Variants in SMYD3 observed in about 807,000 individuals in gnomAD.
SMYD3 encodes histone-lysine N-methyltransferase SMYD3.
SMYD3 carries 36 observed loss-of-function variants against 57.7 expected under a neutral mutation model. The ratio of observed to expected loss-of-function variants is 0.62; its 90% CI spans 0.48 to 0.82. The LOEUF is 0.82. Ranked by LOEUF, SMYD3 falls within the 40% of genes least tolerant of loss-of-function variation. The pLI, the probability that SMYD3 is intolerant of heterozygous loss-of-function variation, is 0.00. For missense variants in SMYD3, 515 were observed against 538.8 expected, an observed-to-expected ratio of 0.96 and a Z score of 0.44; for synonymous variants, 211 against 195.0, an observed-to-expected ratio of 1.08 and a Z score of -0.68.
intron 5 of SMYD3, among the ~76,000 whole-genome samples, chr1:246,122,060 C>T (rs1348131603): frequency 7.6e-6 from 1 of 131,930 alleles, no homozygotes; most frequent in Non-Finnish European, 1.5e-5. Context: ...GAAGAAAAGA[C>T]TAATTAAAAA....
chr1:246,214,945 G>C (rs999140717), intron 5 of SMYD3, among the ~76,000 whole-genome samples: 2 of 152,042 alleles, frequency 1.3e-5, no homozygotes, highest in African/African-American at 4.8e-5. Context: ...CTTTCTAGTA[G>C]GTAAAATTCA....
At chr1:246,217,329 T>A (rs1388758791) in intron 5 of SMYD3, among the ~76,000 whole-genome samples, 5 of 151,910 alleles carry the variant, frequency 3.3e-5, no homozygotes, top group African/African-American at 1.2e-4. Flanking sequence ...CAAGCCAGGG[T>A]AACGTAGGGA....
intron 1 of SMYD3, among the ~76,000 whole-genome samples, chr1:246,362,224 T>C (rs1248461676): frequency 3.9e-5 from 6 of 152,190 alleles, no homozygotes; most frequent in Admixed American, 1.3e-4. Flanking sequence ...CCTTCAAATA[T>C]ACAAATTTTG....
intron 8 of SMYD3, among the ~76,000 whole-genome samples, chr1:245,898,639 G>C (rs1381162238): frequency 6.6e-6 from 1 of 152,210 alleles, no homozygotes; most frequent in African/African-American, 2.4e-5. Flanking sequence ...TGAATAATCA[G>C]GGGCTATTTC....
intron 5 of SMYD3, among the ~76,000 whole-genome samples, chr1:246,063,329 C>CTT (rs1244997299): frequency 1.3e-5 from 2 of 152,134 alleles, no homozygotes; most frequent in African/African-American, 4.8e-5. Context: ...TACCCAGGGT[C>CTT]TTTATTGGAG....
At chr1:246,215,037 T>C (rs984298908) in intron 5 of SMYD3, among the ~76,000 whole-genome samples, 5 of 152,168 alleles carry the variant, frequency 3.3e-5, no homozygotes, top group African/African-American at 1.2e-4. Flanking sequence ...TTTTTGTTCA[T>C]TCCAGTTGAA....
intron 8 of SMYD3, among the ~76,000 whole-genome samples, chr1:245,915,203 C>G (rs926470667): frequency 6.6e-6 from 1 of 152,116 alleles, no homozygotes; most frequent in African/African-American, 2.4e-5. Context: ...TCAATCATAA[C>G]GTAATTCAAC....
At chr1:246,224,905 C>T (rs1185024821) in intron 5 of SMYD3, among the ~76,000 whole-genome samples, 1 of 151,866 alleles carries the variant, frequency 6.6e-6, no homozygotes, top group African/African-American at 2.4e-5. Flanking sequence ...AGGAAGGTGG[C>T]AGAGGGAGCC....
chr1:246,166,683 G>A (rs1043532341), intron 5 of SMYD3, among the ~76,000 whole-genome samples: 3 of 152,168 alleles, frequency 2.0e-5, no homozygotes, highest in Non-Finnish European at 4.4e-5. Context: ...TGTTTAACTT[G>A]CTATTGGCCC....
intron 5 of SMYD3, among the ~76,000 whole-genome samples, chr1:246,168,528 A>G (rs182773269): frequency 4.4e-4 from 67 of 152,264 alleles, no homozygotes; most frequent in African/African-American, 9.1e-4. Flanking sequence ...CTATACAGAC[A>G]CTCCACAGGG....
At chr1:246,029,418 T>C (rs2059628000) in intron 5 of SMYD3, among the ~76,000 whole-genome samples, 1 of 152,180 alleles carries the variant, frequency 6.6e-6, no homozygotes, top group Non-Finnish European at 1.5e-5. Context: ...ATGCCTGTAA[T>C]CCCAGCACCT....
At chr1:245,756,230 T>A (rs373075439) in intron 11 of SMYD3, among the ~76,000 whole-genome samples, 1 of 150,972 alleles carries the variant, frequency 6.6e-6, no homozygotes, top group East Asian at 1.9e-4. Flanking sequence ...ACTAGTGTCA[T>A]CATTTTACCC....
intron 5 of SMYD3, among the ~76,000 whole-genome samples, chr1:246,210,248 C>T (rs1005408100): frequency 3.3e-5 from 5 of 152,124 alleles, no homozygotes; most frequent in African/African-American, 1.2e-4. Flanking sequence ...TCCATTACAC[C>T]ACCCTGCAGC....
intron 5 of SMYD3, among the ~76,000 whole-genome samples, chr1:246,245,083 C>G (rs1267158151): frequency 6.7e-6 from 1 of 148,292 alleles, no homozygotes; most frequent in East Asian, 2.0e-4. Flanking sequence ...AGAACCTGAA[C>G]TCCATAGAGT....
At chr1:246,221,734 G>A (rs1404440684) in intron 5 of SMYD3, among the ~76,000 whole-genome samples, 10 of 152,132 alleles carry the variant, frequency 6.6e-5, no homozygotes, top group Non-Finnish European at 1.5e-4. Flanking sequence ...CGGACCCCAC[G>A]TTTGCTGACA....
At chr1:246,029,788 A>G (rs12408750) in intron 5 of SMYD3, among the ~76,000 whole-genome samples, 25,091 of 151,994 alleles carry the variant, frequency 0.17, 2,554 homozygotes, top group East Asian at 0.39. Flanking sequence ...CAAAACCACA[A>G]TGAAATATCA....
chr1:245,765,096 A>G (rs2046023974), intron 10 of SMYD3, among the ~76,000 whole-genome samples: 1 of 149,696 alleles, frequency 6.7e-6, no homozygotes, highest in African/African-American at 2.4e-5. Context: ...AGTTTAAATG[A>G]GCTTTTCAGG....
intron 5 of SMYD3, among the ~76,000 whole-genome samples, chr1:246,071,755 T>C (rs1030302358): frequency 2.6e-5 from 4 of 151,912 alleles, no homozygotes; most frequent in Non-Finnish European, 5.9e-5. Context: ...TCGAGTGCTT[T>C]CCGCTGTGCT....
At chr1:245,772,680 T>TA (rs2046385106) in intron 10 of SMYD3, among the ~76,000 whole-genome samples, 1 of 152,004 alleles carries the variant, frequency 6.6e-6, no homozygotes, top group Admixed American at 6.6e-5. Context: ...TACATATTTT[T>TA]TTTAGAAGTA....
Sources: gnomAD v4.1 joint callset for allele counts (sites outside exome capture counted in the v4.1 genomes callset) on GRCh38, gnomAD v4.1.1 for gene constraint, MANE v1.5 for transcripts, NCBI Gene and HGNC (gene_info 2026-07-23, HGNC 2026-07-21) for gene names.